The following MARCHF4 variants were observed in gnomAD, a reference collection of about 807,000 sequenced individuals.
MARCHF4 encodes the protein membrane associated ring-CH-type finger 4.
In MARCHF4, 14 loss-of-function variants were observed where a neutral mutation model predicts 43.9. The ratio of observed to expected loss-of-function variants is 0.32; its 90% CI spans 0.21 to 0.50. MARCHF4 has a LOEUF of 0.50. Among genes scored for constraint, MARCHF4 ranks in the 20% least tolerant of loss-of-function variants. The pLI is 0.98. For missense variants in MARCHF4, 468 were observed against 536.7 expected, an observed-to-expected ratio of 0.87 and a Z score of 1.27; for synonymous variants, 226 against 213.3, an observed-to-expected ratio of 1.06 and a Z score of -0.52.
intron 1 of MARCHF4, among the ~76,000 whole-genome samples, chr2:216,306,610 G>A (rs1404766554): frequency 6.6e-6 from 1 of 152,032 alleles, no homozygotes; most frequent in Non-Finnish European, 1.5e-5. Context: ...CAGAGTGAAG[G>A]TGTCCTGCCA....
intron 1 of MARCHF4, among the ~76,000 whole-genome samples, chr2:216,301,732 C>G (rs867013756): frequency 6.6e-6 from 1 of 152,104 alleles, no homozygotes; most frequent in African/African-American, 2.4e-5. Context: ...GACAATATAG[C>G]TTTTTAGCAT....
intron 1 of MARCHF4, among the ~76,000 whole-genome samples, chr2:216,289,530 T>G (rs1183632885): frequency 6.6e-6 from 1 of 152,218 alleles, no homozygotes; most frequent in Admixed American, 6.5e-5. Context: ...CACAGCAAGC[T>G]GCAGACGCCA....
At chr2:216,313,808 C>A (rs1456892473) in intron 1 of MARCHF4, among the ~76,000 whole-genome samples, 3 of 152,168 alleles carry the variant, frequency 2.0e-5, no homozygotes, top group Middle Eastern at 3.2e-3. Flanking sequence ...ATATCTGATT[C>A]TCCTGCCATT....
chr2:216,350,579 C>T (rs956752092), intron 1 of MARCHF4, among the ~76,000 whole-genome samples: 3 of 152,100 alleles, frequency 2.0e-5, no homozygotes, highest in Non-Finnish European at 4.4e-5. Context: ...ACTGTGACAC[C>T]AGACCACCTT....
chr2:216,260,612 A>C (rs1426013678), intron 3 of MARCHF4, among the ~76,000 whole-genome samples: 4 of 152,242 alleles, frequency 2.6e-5, no homozygotes, highest in Non-Finnish European at 5.9e-5. Context: ...AGAGAAGGTC[A>C]GTGTGACCAA....
At chr2:216,328,013 T>C (rs1032924811) in intron 1 of MARCHF4, among the ~76,000 whole-genome samples, 1 of 151,512 alleles carries the variant, frequency 6.6e-6, no homozygotes, top group Non-Finnish European at 1.5e-5. Context: ...TCTCTGTAGG[T>C]CAAGAAAACA....
At chr2:216,350,737 C>G (rs1401301631) in intron 1 of MARCHF4, among the ~76,000 whole-genome samples, 2 of 152,128 alleles carry the variant, frequency 1.3e-5, no homozygotes, top group African/African-American at 4.8e-5. Flanking sequence ...TGTTTTCTGC[C>G]CCTGATGTTA....
intron 1 of MARCHF4, among the ~76,000 whole-genome samples, chr2:216,288,478 A>T (rs1256303261): frequency 6.6e-6 from 1 of 152,194 alleles, no homozygotes; most frequent in Non-Finnish European, 1.5e-5. Context: ...GAGTCAGTTG[A>T]GTCACCAAGA....
chr2:216,345,341 C>A (rs1156842973), intron 1 of MARCHF4, among the ~76,000 whole-genome samples: 2 of 149,370 alleles, frequency 1.3e-5, no homozygotes, highest in Non-Finnish European at 2.9e-5. Flanking sequence ...ACTATTATAC[C>A]CTGATTTTTT....
intron 1 of MARCHF4, among the ~76,000 whole-genome samples, chr2:216,316,745 T>C (rs1484867916): frequency 2.0e-5 from 3 of 151,910 alleles, no homozygotes; most frequent in African/African-American, 7.3e-5. Context: ...CCCCCAGAAC[T>C]TCTGATTCTG....
intron 1 of MARCHF4, 46 bp from the exon 2 acceptor site, chr2:216,283,775 CTGGTGGG>C: frequency 6.5e-7 from 1 of 1,527,364 alleles, no homozygotes; most frequent in East Asian, 2.3e-5. Flanking sequence ...CCTACAGTGG[CTGGTGGG>C]TGAGTGATGG....
At chr2:216,285,074 G>C (rs1691197795) in intron 1 of MARCHF4, among the ~76,000 whole-genome samples, 1 of 152,112 alleles carries the variant, frequency 6.6e-6, no homozygotes, top group South Asian at 2.1e-4. Flanking sequence ...GCAGGGTGAG[G>C]TATTCATCTT....
intron 2 of MARCHF4, among the ~76,000 whole-genome samples, chr2:216,279,387 A>G (rs705656): frequency 0.026 from 3,913 of 152,330 alleles, 143 homozygotes; most frequent in African/African-American, 0.089. Context: ...TAGAATATGC[A>G]GAGACTTTGT....
chr2:216,332,215 AC>A (rs1476710437), intron 1 of MARCHF4, among the ~76,000 whole-genome samples: 1 of 151,990 alleles, frequency 6.6e-6, no homozygotes, highest in Admixed American at 6.6e-5. Context: ...ACATGGCAAA[AC>A]CCTGTCTCTA....
At chr2:216,302,113 G>T (rs1691500505) in intron 1 of MARCHF4, among the ~76,000 whole-genome samples, 1 of 152,156 alleles carries the variant, frequency 6.6e-6, no homozygotes, top group African/African-American at 2.4e-5. Context: ...TTCAAAATTT[G>T]CAGTAAACTC....
At chr2:216,309,056 G>T (rs1400201903) in intron 1 of MARCHF4, among the ~76,000 whole-genome samples, 1 of 152,120 alleles carries the variant, frequency 6.6e-6, no homozygotes, top group Non-Finnish European at 1.5e-5. Flanking sequence ...CTTGCCTTTT[G>T]GTCAATCTTC....
intron 3 of MARCHF4, among the ~76,000 whole-genome samples, chr2:216,270,638 C>T (rs190840134): frequency 2.0e-5 from 3 of 152,240 alleles, no homozygotes; most frequent in Admixed American, 2.0e-4. Flanking sequence ...GAGGCTCTTG[C>T]CTCTCTGCCT....
chr2:216,285,079 C>A (rs1197086852), intron 1 of MARCHF4, among the ~76,000 whole-genome samples: 3 of 152,158 alleles, frequency 2.0e-5, no homozygotes, highest in Non-Finnish European at 4.4e-5. Flanking sequence ...GTGAGGTATT[C>A]ATCTTTGCAC....
At chr2:216,268,299 T>C (rs1016093722) in intron 3 of MARCHF4, among the ~76,000 whole-genome samples, 21 of 152,184 alleles carry the variant, frequency 1.4e-4, no homozygotes, top group African/African-American at 5.1e-4. Context: ...TCCAAGGCCA[T>C]AGAGGTGATT....
Sources: gnomAD v4.1 joint callset for allele counts (sites outside exome capture counted in the v4.1 genomes callset) on GRCh38, gnomAD v4.1.1 for gene constraint, MANE v1.5 for transcripts, NCBI Gene and HGNC (gene_info 2026-07-23, HGNC 2026-07-21) for gene names.